TMEM132D: variants seen among roughly 807,000 people sequenced by gnomAD.
TMEM132D encodes mature OL transmembrane protein.
A neutral mutation model predicts 62.3 loss-of-function variants in TMEM132D; 21 were observed. That is an observed-to-expected ratio of 0.34 (90% CI 0.24 to 0.49). TMEM132D has a LOEUF of 0.49. TMEM132D is among the 20% of genes least tolerant of loss of function. The probability of loss-of-function intolerance (pLI) is 0.99; values close to 1 mark genes in which losing one functional copy is unlikely to be tolerated. For synonymous variants in TMEM132D, 621 were observed against 575.6 expected, an observed-to-expected ratio of 1.08 and a Z score of -1.13; for missense variants, 1,346 against 1,402.8, an observed-to-expected ratio of 0.96 and a Z score of 0.65.
intron 3 of TMEM132D, among the ~76,000 whole-genome samples, chr12:129,396,071 T>C (rs1477029445): frequency 2.0e-5 from 3 of 149,618 alleles, no homozygotes; most frequent in Admixed American, 6.7e-5. Context: ...CTATATATTA[T>C]GTATCTATTA....
chr12:129,533,028 G>T (rs1388562628), intron 2 of TMEM132D, among the ~76,000 whole-genome samples: 1 of 152,116 alleles, frequency 6.6e-6, no homozygotes. Context: ...TGACTCGCTG[G>T]ACCTGGGGGT....
At chr12:129,221,029 G>C (rs535655648) in intron 4 of TMEM132D, among the ~76,000 whole-genome samples, 11 of 152,300 alleles carry the variant, frequency 7.2e-5, no homozygotes, top group South Asian at 2.1e-4. Context: ...ACAAAGGAAT[G>C]CTCCGAGAAT....
intron 1 of TMEM132D, among the ~76,000 whole-genome samples, chr12:129,821,412 T>C (rs1872538633): frequency 6.6e-6 from 1 of 152,134 alleles, no homozygotes; most frequent in South Asian, 2.1e-4. Flanking sequence ...GTGGCAAAGC[T>C]GTCAGATGGA....
rs1289499450 is a variant in TMEM132D, at chr12:129,870,268, C to G, written c.79+32993G>C. Among the ~76,000 whole-genome samples the G allele has an allele frequency of 2.0e-5, 3 of 152,282 alleles. No homozygotes were observed. In the East Asian group the frequency reaches 5.8e-4, roughly 29 times the overall value. ...AAGGTGCTGAGATTACAGGCATGAG[C>G]CACCATGCCAGCCACGCCTGGGTTT... On this transcript the variant is annotated intron_variant, in intron 1 of 8. Transcript: ENST00000422113.
chr12:129,723,136 A>C (rs1868905612), intron 1 of TMEM132D, among the ~76,000 whole-genome samples: 1 of 152,238 alleles, frequency 6.6e-6, no homozygotes, highest in African/African-American at 2.4e-5. Flanking sequence ...ATAGGAAATA[A>C]AAATCCCTTT....
intron 1 of TMEM132D, among the ~76,000 whole-genome samples, chr12:129,878,652 T>C (rs549133183): frequency 6.6e-6 from 1 of 151,662 alleles, no homozygotes; most frequent in Non-Finnish European, 1.5e-5. Flanking sequence ...CCTCAGCTCA[T>C]TGCAACCTCC....
intron 4 of TMEM132D, among the ~76,000 whole-genome samples, chr12:129,305,500 T>A (rs1440714472): frequency 6.6e-6 from 1 of 152,170 alleles, no homozygotes; most frequent in East Asian, 1.9e-4. Flanking sequence ...TATAGATGTA[T>A]GCCCCCCAAA....
At chr12:129,732,142 C>G (rs1869269940) in intron 1 of TMEM132D, among the ~76,000 whole-genome samples, 2 of 152,166 alleles carry the variant, frequency 1.3e-5, no homozygotes, top group South Asian at 4.1e-4. Flanking sequence ...GGGAACCCAG[C>G]CACCACCAAC....
At chr12:129,582,623 CTTTT>C (rs11446843) in intron 2 of TMEM132D, among the ~76,000 whole-genome samples, 1 of 146,172 alleles carries the variant, frequency 6.8e-6, no homozygotes, top group African/African-American at 2.5e-5. Flanking sequence ...TTCTTTCTTT[CTTTT>C]TTTTTTTTTG....
chr12:129,273,868 C>T (rs1880928302), intron 4 of TMEM132D, among the ~76,000 whole-genome samples: 1 of 150,884 alleles, frequency 6.6e-6, no homozygotes, highest in Non-Finnish European at 1.5e-5. Context: ...CACAATATAC[C>T]CATATAACAC....
chr12:129,799,825 G>A (rs542163274), intron 1 of TMEM132D, among the ~76,000 whole-genome samples: 55 of 152,236 alleles, frequency 3.6e-4, no homozygotes, highest in African/African-American at 1.2e-3. Flanking sequence ...AGAAGGGACT[G>A]GGGCTTGTCC....
rs539555316 is a variant in TMEM132D, at chr12:129,760,536, A to C, written c.80-59838T>G. On this transcript the variant is annotated intron_variant, in intron 1 of 8. Coordinates refer to ENST00000422113, the MANE Select transcript of TMEM132D (RefSeq NM_133448.3). ...CGGCTGATTTTTGTATTTTTAGCAG[A>C]GATGGGGTATCCTGTTAGCCAGGAT... 2.9e-3 allele frequency among the ~76,000 whole-genome samples: 430 copies of C among 149,688 alleles called. 2 individuals carry two copies. Among genetic ancestry groups the C allele is most frequent in the African/African-American group, 0.01 (412 of 41,024 alleles).
chr12:129,560,668 G>A (rs1877196788), intron 2 of TMEM132D, among the ~76,000 whole-genome samples: 1 of 152,204 alleles, frequency 6.6e-6, no homozygotes, highest in African/African-American at 2.4e-5. Flanking sequence ...TTAGGCAGGT[G>A]AAGGTAGCTT....
Position 129,849,205 on chromosome 12 carries a change from T to G in TMEM132D, c.79+54056A>C, listed in dbSNP as rs548300684. Among the ~76,000 whole-genome samples the G allele has an allele frequency of 5.9e-5, 9 of 152,368 alleles. No homozygotes were observed. In the East Asian group the frequency reaches 1.7e-3, roughly 29 times the overall value. ...CAGAGCTTCAGTAGTGGTCTAGTCA[T>G]GTTTAATCAATTTTCATTTCCCAAA... On this transcript the variant is annotated intron_variant, in intron 1 of 8. Coordinates refer to ENST00000422113, the MANE Select transcript of TMEM132D (RefSeq NM_133448.3).
intron 5 of TMEM132D, among the ~76,000 whole-genome samples, chr12:129,127,117 C>T (rs1336460303): frequency 1.3e-5 from 2 of 152,194 alleles, no homozygotes; most frequent in Non-Finnish European, 2.9e-5. Flanking sequence ...GATTCATCAA[C>T]GGATTGAACA....
At chr12:129,216,386 C>T (rs1593299297) in intron 4 of TMEM132D, among the ~76,000 whole-genome samples, 1 of 152,134 alleles carries the variant, frequency 6.6e-6, no homozygotes, top group South Asian at 2.1e-4. Context: ...TTAGTTGAGA[C>T]ATGGTCTTAA....
intron 1 of TMEM132D, among the ~76,000 whole-genome samples, chr12:129,758,671 G>A (rs752057398): frequency 7.2e-5 from 11 of 152,172 alleles, no homozygotes; most frequent in Non-Finnish European, 1.2e-4. Context: ...AAATTTGGCA[G>A]CTTCTGTACT....
At chr12:129,150,090 T>C (rs1311430744) in intron 5 of TMEM132D, among the ~76,000 whole-genome samples, 1 of 152,256 alleles carries the variant, frequency 6.6e-6, no homozygotes, top group African/African-American at 2.4e-5. Context: ...AGGGTCATCG[T>C]GTCCCAGAGG....
At chr12:129,862,704 A>C (rs752419689) in intron 1 of TMEM132D, among the ~76,000 whole-genome samples, 4 of 152,186 alleles carry the variant, frequency 2.6e-5, no homozygotes, top group Non-Finnish European at 5.9e-5. Context: ...AGCGGACACA[A>C]GTATAAGTAG....
Sources: allele counts gnomAD v4.1 joint callset (sites outside exome capture counted in the v4.1 genomes callset), GRCh38; gene constraint gnomAD v4.1.1; transcripts MANE v1.5; gene names NCBI Gene and HGNC (gene_info 2026-07-23, HGNC 2026-07-21).